Variants in PDE6A observed in about 807,000 individuals in gnomAD.
PDE6A encodes rod cGMP-specific 3',5'-cyclic phosphodiesterase subunit alpha.
In PDE6A, 84 loss-of-function variants were observed where a neutral mutation model predicts 106.3. That is an observed-to-expected ratio of 0.79 (90% CI 0.66 to 0.95). PDE6A has a LOEUF of 0.95. Among genes scored for constraint, PDE6A ranks in the 40% least tolerant of loss-of-function variants. The probability of loss-of-function intolerance (pLI) is 0.00; values close to 1 mark genes in which losing one functional copy is unlikely to be tolerated. For missense variants in PDE6A, 1,052 were observed against 1,084.9 expected, an observed-to-expected ratio of 0.97 and a Z score of 0.43; for synonymous variants, 394 against 386.6, an observed-to-expected ratio of 1.02 and a Z score of -0.23.
At chr5:149,911,370 A>G (rs1044003331) in intron 6 of PDE6A, among the ~76,000 whole-genome samples, 1 of 152,160 alleles carries the variant, frequency 6.6e-6, no homozygotes, top group Admixed American at 6.6e-5. Context: ...TTGTTCCTAT[A>G]AAACCAACCC....
rs1554091222 is a variant in PDE6A at position 149,920,996 on chromosome 5, A to AAGAAAGAAAGAAAGAAAGAG, written c.933+638_933+639insCTCTTTCTTTCTTTCTTTCT. ...AAAGAAAGAAAGAAAGAAAGAAAGA[A>AAGAAAGAAAGAAAGAAAGAG]AAAGAAAGAAAATAGAAAACCTACG... is the stretch of plus-strand genomic sequence containing the variant. On this transcript the variant is annotated intron_variant, in intron 5 of 21. Transcript: ENST00000255266. Among the ~76,000 whole-genome samples, 192 of 91,618 alleles carry AAGAAAGAAAGAAAGAAAGAG rather than the reference A, an allele frequency of 2.1e-3. 1 individual carries two copies. Among genetic ancestry groups the AAGAAAGAAAGAAAGAAAGAG allele is most frequent in the African/African-American group, 5.4e-3 (169 of 31,050 alleles). 60.1% of individuals were successfully genotyped at this position (91,618 alleles called of 152,430 possible). A position where few individuals can be genotyped will look rare whatever the true frequency, so the allele number is the denominator to read the frequency against.
intron 6 of PDE6A, among the ~76,000 whole-genome samples, chr5:149,911,842 C>CAA (rs11430549): frequency 0.16 from 10,388 of 65,028 alleles, 808 homozygotes; most frequent in South Asian, 0.19. Flanking sequence ...TCTCTATTAC[C>CAA]AAAAAAAAAA....
intron 6 of PDE6A, among the ~76,000 whole-genome samples, chr5:149,914,296 C>T (rs1753482742): frequency 2.0e-5 from 3 of 152,174 alleles, no homozygotes; most frequent in African/African-American, 7.2e-5. Flanking sequence ...GCCTCCTTCC[C>T]ACTCTCCCTG....
chr5:149,883,149 C>A (rs1482490430), intron 17 of PDE6A, among the ~76,000 whole-genome samples: 3 of 152,148 alleles, frequency 2.0e-5, no homozygotes, highest in African/African-American at 7.2e-5. Context: ...GTTTACCACC[C>A]AAATCTTAGA....
intron 16 of PDE6A, among the ~76,000 whole-genome samples, chr5:149,883,924 G>A (rs1761024324): frequency 3.3e-5 from 5 of 152,098 alleles, no homozygotes; most frequent in Admixed American, 2.0e-4. Context: ...TGGGTGCAGT[G>A]GCTCATGCCT....
intron 7 of PDE6A, among the ~76,000 whole-genome samples, chr5:149,906,585 C>G (rs1302806241): frequency 3.5e-5 from 5 of 143,450 alleles, no homozygotes; most frequent in Non-Finnish European, 6.0e-5. Context: ...AATTTAGCCC[C>G]TTCCTCCCTC....
At chr5:149,890,280 T>C (rs997271900) in intron 13 of PDE6A, among the ~76,000 whole-genome samples, 4 of 152,144 alleles carry the variant, frequency 2.6e-5, no homozygotes, top group African/African-American at 9.7e-5. Context: ...CTAAATTAAG[T>C]ATTTTTCTTG....
chr5:149,929,026 T>C (rs137956603), intron 4 of PDE6A, among the ~76,000 whole-genome samples: 269 of 152,304 alleles, frequency 1.8e-3, no homozygotes, highest in African/African-American at 6.2e-3. Context: ...CCTTGATACA[T>C]TGCTGGTGAG....
At chr5:149,916,747 G>C (rs879921833) in intron 5 of PDE6A, among the ~76,000 whole-genome samples, 1 of 152,164 alleles carries the variant, frequency 6.6e-6, no homozygotes, top group African/African-American at 2.4e-5. Context: ...CTGAGACACA[G>C]AGAGAGGAAA....
chr5:149,875,166 G>T (rs1760692367), intron 17 of PDE6A, among the ~76,000 whole-genome samples: 1 of 152,030 alleles, frequency 6.6e-6, no homozygotes, highest in African/African-American at 2.4e-5. Context: ...GCCAATTTTT[G>T]CCCCAGGGGA....
chr5:149,887,434 T>C (rs1581169080), intron 13 of PDE6A, among the ~76,000 whole-genome samples: 1 of 151,990 alleles, frequency 6.6e-6, no homozygotes, highest in Non-Finnish European at 1.5e-5. Context: ...GAGGCCAAGG[T>C]AGGAGGACCA....
At chr5:149,867,647 C>A (rs571379736) in intron 19 of PDE6A, 78 bp downstream of exon 19, 1 of 1,248,824 alleles carries the variant, frequency 8.0e-7, no homozygotes, top group Non-Finnish European at 1.2e-6. Context: ...ACACATCTCT[C>A]CATCATGGCG....
At chr5:149,918,242 T>C (rs1310084239) in intron 5 of PDE6A, among the ~76,000 whole-genome samples, 2 of 152,238 alleles carry the variant, frequency 1.3e-5, no homozygotes, top group Non-Finnish European at 2.9e-5. Context: ...GGAGATGATG[T>C]AAGGTCTCTT....
At chr5:149,866,553 A>G (rs993936333) in intron 19 of PDE6A, 2 of 343,368 alleles carry the variant, frequency 5.8e-6, no homozygotes, top group Non-Finnish European at 1.1e-5. Flanking sequence ...AGATTAAAAG[A>G]GACTTAAGAG....
intron 6 of PDE6A, among the ~76,000 whole-genome samples, chr5:149,910,874 C>T (rs140589304): frequency 4.6e-5 from 4 of 87,142 alleles, no homozygotes; most frequent in East Asian, 3.4e-4. Flanking sequence ...TTTCTTTTTC[C>T]TTTTTTTTTT....
chr5:149,903,518 T>C (rs1159103804), intron 8 of PDE6A, 130 bp downstream of exon 8: 11 of 759,516 alleles, frequency 1.4e-5, no homozygotes, highest in Non-Finnish European at 2.1e-5. Context: ...GTACAGGAAT[T>C]TTATCCTGTC....
At chr5:149,926,906 A>G (rs554031038) in intron 4 of PDE6A, among the ~76,000 whole-genome samples, 2 of 141,170 alleles carry the variant, frequency 1.4e-5, no homozygotes, top group African/African-American at 5.3e-5. Flanking sequence ...TGAACCCGGG[A>G]GGTGGAGGTT....
intron 19 of PDE6A, chr5:149,867,127 C>T (rs1020239114): frequency 2.3e-5 from 4 of 177,698 alleles, no homozygotes; most frequent in Non-Finnish European, 3.6e-5. Context: ...CGGTTTGTCC[C>T]CACAATGTCT....
chr5:149,932,531 A>G, intron 3 of PDE6A: 2 of 1,389,778 alleles, frequency 1.4e-6, no homozygotes, highest in Non-Finnish European at 2.1e-6. Flanking sequence ...TCACGCTAGC[A>G]TTTGGAACTC....
Sources: allele counts gnomAD v4.1 joint callset (sites outside exome capture counted in the v4.1 genomes callset), GRCh38; gene constraint gnomAD v4.1.1; transcripts MANE v1.5; gene names NCBI Gene and HGNC (gene_info 2026-07-23, HGNC 2026-07-21).